The following CAMK2D variants were observed in gnomAD, a reference collection of about 807,000 sequenced individuals.
CAMK2D encodes calcium/calmodulin-dependent protein kinase type II subunit delta.
A neutral mutation model predicts 84.0 loss-of-function variants in CAMK2D; 37 were observed. The observed-to-expected ratio is 0.44, with a 90% CI of 0.34 to 0.58. The LOEUF (loss-of-function observed/expected upper bound fraction) is 0.58. Ranked by LOEUF, CAMK2D falls within the 20% of genes least tolerant of loss-of-function variation. The probability of loss-of-function intolerance (pLI) is 0.02; values close to 1 mark genes in which losing one functional copy is unlikely to be tolerated. For missense variants in CAMK2D, 448 were observed against 652.5 expected (o/e 0.69, Z 3.41); for synonymous variants, 202 against 212.5 (o/e 0.95, Z 0.43).
At chr4:113,580,702 A>T (rs886189001) in intron 4 of CAMK2D, among the ~76,000 whole-genome samples, 10 of 152,152 alleles carry the variant, frequency 6.6e-5, no homozygotes, top group Non-Finnish European at 2.9e-5. Context: ...AAGGCTTATT[A>T]TCTGTAAAAT....
chr4:113,760,715 T>C (rs2099639429), intron 1 of CAMK2D, among the ~76,000 whole-genome samples: 1 of 152,064 alleles, frequency 6.6e-6, no homozygotes, highest in Admixed American at 6.5e-5. Context: ...TAGCTACAAC[T>C]GCAGAGATCG....
chr4:113,684,728 C>T (rs1472910546), intron 2 of CAMK2D, among the ~76,000 whole-genome samples: 1 of 152,152 alleles, frequency 6.6e-6, no homozygotes, highest in Non-Finnish European at 1.5e-5. Context: ...ATTTGAAATC[C>T]TGAAATTCTA....
rs552444389 is a variant in CAMK2D, at chr4:113,552,477, C to T, written c.276-381G>A. The stretch of plus-strand genomic sequence containing the variant: ...ATCATAGCTATTGAGTATGAGTTTC[C>T]ATGTATCCTTTTGCTATTTTTGCAT... On this transcript the variant is annotated intron_variant, in intron 4 of 20. Coordinates refer to ENST00000511664, the MANE Select transcript of CAMK2D (RefSeq NM_001321571.2). Among the ~76,000 whole-genome samples the T allele has an allele frequency of 2.6e-5, 4 of 152,198 alleles. No individual in the cohort carries two copies. In the South Asian group the frequency reaches 8.3e-4, roughly 32 times the overall value.
intron 3 of CAMK2D, among the ~76,000 whole-genome samples, chr4:113,647,790 T>C (rs2099157679): frequency 6.6e-6 from 1 of 152,226 alleles, no homozygotes; most frequent in Non-Finnish European, 1.5e-5. Context: ...ATGAATATAT[T>C]CTTAGAAAAT....
intron 8 of CAMK2D, among the ~76,000 whole-genome samples, chr4:113,526,546 A>C (rs181135773): frequency 2.8e-4 from 43 of 152,122 alleles, no homozygotes; most frequent in Admixed American, 2.5e-3. Context: ...ACTACTCTCT[A>C]CCTATCCTTT....
At chr4:113,463,469 T>C (rs1326723379) in intron 17 of CAMK2D, among the ~76,000 whole-genome samples, 2 of 152,146 alleles carry the variant, frequency 1.3e-5, no homozygotes, top group African/African-American at 4.8e-5. Flanking sequence ...CTCTGCCTCC[T>C]GGGTTCAAGT....
intron 3 of CAMK2D, among the ~76,000 whole-genome samples, chr4:113,639,689 C>T (rs1407821762): frequency 6.6e-6 from 1 of 151,314 alleles, no homozygotes; most frequent in Non-Finnish European, 1.5e-5. Flanking sequence ...CGTCTCCCAC[C>T]AAGAGAATGT....
intron 13 of CAMK2D, 102 bp downstream of exon 13, chr4:113,509,536 T>TA (rs2098180840): frequency 2.6e-6 from 2 of 757,192 alleles, no homozygotes; most frequent in Admixed American, 2.3e-5. Context: ...TCAGAAACAA[T>TA]AAAAAATAGA....
At chr4:113,547,503 T>G (rs1005724621) in intron 6 of CAMK2D, 141 bp downstream of exon 6, 9 of 495,224 alleles carry the variant, frequency 1.8e-5, no homozygotes, top group South Asian at 1.6e-4. Flanking sequence ...GAGACTGTGG[T>G]GAGGGAAAGT....
intron 17 of CAMK2D, 61 bp downstream of exon 17, chr4:113,465,468 C>A: frequency 1.1e-6 from 1 of 886,760 alleles, no homozygotes; most frequent in South Asian, 1.4e-5. Flanking sequence ...TTGAATAATG[C>A]ATTCATATAA....
intron 16 of CAMK2D, among the ~76,000 whole-genome samples, chr4:113,497,560 T>C (rs1201230322): frequency 6.6e-6 from 1 of 152,234 alleles, no homozygotes; most frequent in African/African-American, 2.4e-5. Context: ...CCTTTTCCCA[T>C]TCAAAGACGC....
chr4:113,658,146 G>A (rs2099210575), intron 3 of CAMK2D, among the ~76,000 whole-genome samples: 1 of 152,142 alleles, frequency 6.6e-6, no homozygotes, highest in Admixed American at 6.5e-5. Flanking sequence ...TATGGCATCT[G>A]TCTTTAAAAC....
At chr4:113,550,619 C>T (rs535334221) in intron 5 of CAMK2D, among the ~76,000 whole-genome samples, 47 of 152,302 alleles carry the variant, frequency 3.1e-4, no homozygotes, top group African/African-American at 1.1e-3. Context: ...AACCAAGTAA[C>T]AGCCTGCTTA....
chr4:113,588,901 A>T (rs28366421), intron 4 of CAMK2D, among the ~76,000 whole-genome samples: 105,870 of 151,008 alleles, frequency 0.7, 37,303 homozygotes, highest in Middle Eastern at 0.75. Flanking sequence ...AAAAAAAAAA[A>T]GCCAAGGAAG....
rs77859530 is a variant in CAMK2D, at chr4:113,613,229, C to T, written c.221-4023G>A. Among the ~76,000 whole-genome samples, 862 of 152,156 alleles carry T rather than the reference C, an allele frequency of 5.7e-3. 30 individuals are homozygous for T. The East Asian group carries it at 0.11, about 20-fold the overall frequency. On this transcript the variant is annotated intron_variant, in intron 3 of 20. Transcript: ENST00000511664. ...CCATAAGCTTTTACAAATGAATGTT[C>T]ACAGGCTTAGAGGTATGGAGGAAAC...
At chr4:113,536,048 T>C (rs969085690) in intron 7 of CAMK2D, among the ~76,000 whole-genome samples, 9 of 152,308 alleles carry the variant, frequency 5.9e-5, no homozygotes, top group Admixed American at 2.0e-4. Flanking sequence ...TTTTCCAGGA[T>C]ACAGAGATCA....
At chr4:113,558,192 C>T (rs2098678308) in intron 4 of CAMK2D, among the ~76,000 whole-genome samples, 1 of 152,180 alleles carries the variant, frequency 6.6e-6, no homozygotes, top group African/African-American at 2.4e-5. Context: ...ACCACATATA[C>T]AAAAGTTCAG....
At chr4:113,534,904 T>A (rs752505262) in intron 7 of CAMK2D, among the ~76,000 whole-genome samples, 12 of 152,184 alleles carry the variant, frequency 7.9e-5, no homozygotes, top group Non-Finnish European at 1.6e-4. Flanking sequence ...AATTCATATA[T>A]TCTGATTCAT....
At chr4:113,662,438 C>G (rs1413920714) in intron 2 of CAMK2D, among the ~76,000 whole-genome samples, 1 of 151,762 alleles carries the variant, frequency 6.6e-6, no homozygotes, top group Non-Finnish European at 1.5e-5. Context: ...GTGGAGGTAC[C>G]TATAAACATA....
Sources: allele counts gnomAD v4.1 joint callset (sites outside exome capture counted in the v4.1 genomes callset), GRCh38; gene constraint gnomAD v4.1.1; transcripts MANE v1.5; gene names NCBI Gene and HGNC (gene_info 2026-07-23, HGNC 2026-07-21).